HEPH: variants seen among roughly 807,000 people sequenced by gnomAD.
HEPH encodes the protein hephaestin.
A neutral mutation model predicts 80.8 loss-of-function variants in HEPH; 69 were observed. The observed-to-expected ratio is 0.85, with a 90% CI of 0.70 to 1.04. The LOEUF (loss-of-function observed/expected upper bound fraction) is 1.04. HEPH is among the 50% of genes least tolerant of loss of function. The pLI is 0.00. For missense variants in HEPH, 1,115 were observed against 891.3 expected, an observed-to-expected ratio of 1.25 and a Z score of -3.20; for synonymous variants, 431 against 322.8, an observed-to-expected ratio of 1.34 and a Z score of -3.60.
intron 15 of HEPH, among the ~76,000 whole-genome samples, chrX:66,253,248 G>T (rs191088350): frequency 8.8e-4 from 99 of 111,933 alleles, no homozygotes; most frequent in African/African-American, 3.1e-3. Flanking sequence ...ATTGTTATTT[G>T]ACAATGCTAT....
chrX:66,189,425 C>T (rs1479303242), intron 5 of HEPH, among the ~76,000 whole-genome samples: 1 of 112,057 alleles, frequency 8.9e-6, no homozygotes, highest in Non-Finnish European at 1.9e-5. Context: ...CATTTATTAG[C>T]TCTATGGCAT....
intron 1 of HEPH, among the ~76,000 whole-genome samples, chrX:66,165,056 G>A (rs1288047464): frequency 9.0e-6 from 1 of 111,593 alleles, no homozygotes; most frequent in Non-Finnish European, 1.9e-5. Flanking sequence ...CATCAAATGA[G>A]GGTGATTGAA....
chrX:66,232,953 C>T (rs699863), intron 15 of HEPH, among the ~76,000 whole-genome samples: 40,677 of 108,878 alleles, frequency 0.37, 9,284 homozygotes, highest in African/African-American at 0.85. Context: ...TAGGTATGAG[C>T]TGTATTTTAT....
At chrX:66,208,767 A>G (rs1009976624) in intron 15 of HEPH, among the ~76,000 whole-genome samples, 2 of 102,939 alleles carry the variant, frequency 1.9e-5, no homozygotes, top group Admixed American at 2.2e-4. Flanking sequence ...CAATCCCCGA[A>G]TAGGCTATGG....
intron 15 of HEPH, among the ~76,000 whole-genome samples, chrX:66,216,157 C>T (rs758566337): frequency 2.7e-4 from 30 of 111,431 alleles, no homozygotes; most frequent in Non-Finnish European, 4.1e-4. Flanking sequence ...TATGACCCTG[C>T]GTACAACCTG....
chrX:66,237,484 G>A (rs2090408227), intron 15 of HEPH, among the ~76,000 whole-genome samples: 1 of 112,045 alleles, frequency 8.9e-6, no homozygotes, highest in Non-Finnish European at 1.9e-5. Context: ...ATTGGACTTT[G>A]TTCTGAGAGA....
At chrX:66,248,806 G>A (rs2090906650) in intron 15 of HEPH, among the ~76,000 whole-genome samples, 1 of 111,828 alleles carries the variant, frequency 8.9e-6, no homozygotes, top group African/African-American at 3.2e-5. Context: ...GACAGTAATC[G>A]GCTTCAGTAC....
At chrX:66,176,543 C>T (rs760594744) in intron 4 of HEPH, among the ~76,000 whole-genome samples, 72 of 111,258 alleles carry the variant, frequency 6.5e-4, no homozygotes, top group African/African-American at 8.5e-4. Context: ...TACATGTGCA[C>T]AATGTACAGG....
chrX:66,198,988 A>G lies in HEPH; in HGVS notation c.1824A>G (p.Ser608=), dbSNP rs2088268357. ...CTATGTTGGATTTCCGACTGCTTTC[A>G]GAGGATATTGAGGGCTTCCAAGACT... is the stretch of plus-strand genomic sequence containing the variant. ...AAAMLDFRLL[S]EDIEGFQDSN... Residue 608 remains serine (S), a synonymous_variant, in exon 11 of 21, where the codon TCA becomes TCG. Transcript: ENST00000343002. 8.3e-7 allele frequency: 1 copy of G among 1,209,950 alleles called. No individual in the cohort carries two copies.
At chrX:66,207,018 AAAT>A (rs1304311279) in intron 13 of HEPH, among the ~76,000 whole-genome samples, 174 bp from the exon 14 acceptor site, 4 of 108,546 alleles carry the variant, frequency 3.7e-5, no homozygotes, top group African/African-American at 6.7e-5. Flanking sequence ...ACTCCGTCTA[AAAT>A]AATAATAATA....
chrX:66,190,258 G>T (rs766918524), intron 6 of HEPH, among the ~76,000 whole-genome samples: 3 of 110,627 alleles, frequency 2.7e-5, no homozygotes, highest in Non-Finnish European at 5.7e-5. Context: ...AATACCTGGA[G>T]ACATTTTCAA....
At chrX:66,247,909 T>C (rs1304414838) in intron 15 of HEPH, among the ~76,000 whole-genome samples, 6 of 112,103 alleles carry the variant, frequency 5.4e-5, no homozygotes, top group Non-Finnish European at 1.1e-4. Context: ...ATAAATTAAG[T>C]TCCTCAGTTA....
chrX:66,172,699 C>T (rs1378642988), intron 3 of HEPH, 100 bp downstream of exon 3: 9 of 923,402 alleles, frequency 9.7e-6, no homozygotes, highest in Non-Finnish European at 1.0e-5. Flanking sequence ...ATTTTCTTTT[C>T]TTCCTATTTA....
intron 15 of HEPH, among the ~76,000 whole-genome samples, chrX:66,249,919 G>C (rs1458910186): frequency 2.7e-5 from 3 of 111,556 alleles, no homozygotes; most frequent in Non-Finnish European, 3.8e-5. Context: ...GGGATGCATT[G>C]TGTAGAATAG....
At chrX:66,204,288 GC>G (rs1244217560) in intron 13 of HEPH, among the ~76,000 whole-genome samples, 1 of 112,018 alleles carries the variant, frequency 8.9e-6, no homozygotes, top group Non-Finnish European at 1.9e-5. Context: ...TAATTAGTCA[GC>G]CATGTGCTCA....
In HEPH at chrX:66,255,126, A is replaced by C; in HGVS notation, c.2655A>C (p.Ala885=). 1 of 1,197,690 alleles carries C rather than the reference A, an allele frequency of 8.3e-7. No homozygotes were observed. The highest frequency in any genetic ancestry group is 1.1e-6 in the Non-Finnish European group (1 of 884,519). Residue 885 remains alanine, a synonymous_variant, in exon 16 of 21, where the codon GCA becomes GCC. Coordinates refer to ENST00000343002, the MANE Select transcript of HEPH (RefSeq NM_001367233.3). Reference sequence around the variant, plus strand: ...GTGTTTCCTGGATCTATTATTCTGCAGTGGATCCCATCAAGGTAAATACAA... The same window carrying C: ...GTGTTTCCTGGATCTATTATTCTGCCGTGGATCCCATCAAGGTAAATACAA... The part of the protein sequence containing the change: ...SACVSWIYYS[A]VDPIKDMYSG...
At chrX:66,265,666 G>A (rs1462442381) in intron 20 of HEPH, among the ~76,000 whole-genome samples, 1 of 111,489 alleles carries the variant, frequency 9.0e-6, no homozygotes. Flanking sequence ...TTAAGGTAGG[G>A]CTAGAAAGAT....
At chrX:66,254,132 G>A (rs1283587012) in intron 15 of HEPH, among the ~76,000 whole-genome samples, 1 of 111,654 alleles carries the variant, frequency 9.0e-6, no homozygotes, top group East Asian at 2.8e-4. Context: ...GATTAATATA[G>A]CATTATTTGG....
chrX:66,210,847 G>A (rs1466753165), intron 15 of HEPH, among the ~76,000 whole-genome samples: 1 of 111,610 alleles, frequency 9.0e-6, no homozygotes, highest in African/African-American at 3.2e-5. Context: ...GCACCTGGAT[G>A]TTGGTACCAC....
Sources: gnomAD v4.1 joint callset for allele counts (sites outside exome capture counted in the v4.1 genomes callset) on GRCh38, gnomAD v4.1.1 for gene constraint, MANE v1.5 for transcripts, NCBI Gene and HGNC (gene_info 2026-07-23, HGNC 2026-07-21) for gene names.